Variants in EHBP1 observed in about 807,000 individuals in gnomAD.
EHBP1 encodes EH domain-binding protein 1.
In EHBP1, 55 loss-of-function variants were observed where a neutral mutation model predicts 144.0. That is an observed-to-expected ratio of 0.38 (90% CI 0.31 to 0.48). The LOEUF (loss-of-function observed/expected upper bound fraction) is 0.48. EHBP1 is among the 20% of genes least tolerant of loss of function. The probability of loss-of-function intolerance (pLI) is 0.98; values close to 1 mark genes in which losing one functional copy is unlikely to be tolerated. For synonymous variants in EHBP1, 469 were observed against 472.7 expected, an observed-to-expected ratio of 0.99 and a Z score of 0.10; for missense variants, 1,200 against 1,364.2, an observed-to-expected ratio of 0.88 and a Z score of 1.90.
chr2:62,857,701 T>G (rs1219126176), intron 7 of EHBP1, among the ~76,000 whole-genome samples: 6 of 152,174 alleles, frequency 3.9e-5, no homozygotes, highest in Non-Finnish European at 7.4e-5. Flanking sequence ...CAATGAGTGA[T>G]AATTTCACAT....
intron 2 of EHBP1, among the ~76,000 whole-genome samples, chr2:62,707,893 G>C (rs1188634938): frequency 2.0e-5 from 3 of 152,154 alleles, no homozygotes; most frequent in Non-Finnish European, 4.4e-5. Flanking sequence ...TTCTTGGCCA[G>C]ATTTAAGGAA....
At chr2:62,956,999 T>C (rs1020017095) in intron 14 of EHBP1, among the ~76,000 whole-genome samples, 9 of 152,214 alleles carry the variant, frequency 5.9e-5, no homozygotes, top group South Asian at 2.1e-4. Flanking sequence ...ATTCTTATGA[T>C]CTAGCTTTTC....
intron 3 of EHBP1, among the ~76,000 whole-genome samples, chr2:62,748,872 A>T (rs1416997001): frequency 6.6e-6 from 1 of 152,168 alleles, no homozygotes; most frequent in Non-Finnish European, 1.5e-5. Context: ...GCTAAAACTT[A>T]CATATGTGTA....
chr2:62,803,634 TC>T (rs962594054), intron 5 of EHBP1, among the ~76,000 whole-genome samples: 1 of 152,368 alleles, frequency 6.6e-6, no homozygotes, highest in African/African-American at 2.4e-5. Context: ...TTGCCAACTT[TC>T]AATTGAAATA....
intron 1 of EHBP1, among the ~76,000 whole-genome samples, chr2:62,682,114 A>G (rs1262999306): frequency 6.6e-6 from 1 of 152,232 alleles, no homozygotes; most frequent in Non-Finnish European, 1.5e-5. Flanking sequence ...ACATTTTGAC[A>G]TTCAGAAGGA....
chr2:63,016,436 TG>T (rs888028550), intron 19 of EHBP1, among the ~76,000 whole-genome samples: 18 of 146,808 alleles, frequency 1.2e-4, no homozygotes, highest in Non-Finnish European at 2.1e-4. Context: ...TTTTCTGTTT[TG>T]GGGGGTTGGG....
At chr2:62,760,744 G>T (rs898434339) in intron 3 of EHBP1, among the ~76,000 whole-genome samples, 1 of 152,178 alleles carries the variant, frequency 6.6e-6, no homozygotes, top group Non-Finnish European at 1.5e-5. Context: ...ATAGAGCAGG[G>T]CATGATATGG....
At chr2:62,987,893 A>G in intron 15 of EHBP1, 1 of 1,109,782 alleles carries the variant, frequency 9.0e-7, no homozygotes, top group African/African-American at 1.6e-5. Flanking sequence ...TATAAAATAT[A>G]AATAATATAC....
At chr2:63,009,631 T>C (rs1030739853) in intron 19 of EHBP1, among the ~76,000 whole-genome samples, 2 of 151,432 alleles carry the variant, frequency 1.3e-5, no homozygotes, top group Non-Finnish European at 3.0e-5. Flanking sequence ...ATGGAGTAAT[T>C]GGAGTATATG....
chr2:62,864,986 T>C lies in EHBP1; in HGVS notation c.998+15T>C, dbSNP rs374175387. ...GAATTGGATGAGTAAGTACATTTCA[T>C]TTTGCTGTCATCACAAGTTAGTCTC... On this transcript the variant is annotated intron_variant, in intron 9 of 22. Coordinates refer to ENST00000431489, the MANE Select transcript of EHBP1 (RefSeq NM_001142616.3). The C allele has an allele frequency of 6.8e-6, 11 of 1,610,164 alleles. No homozygotes were observed. The highest frequency in any genetic ancestry group is 9.3e-6 in the Non-Finnish European group (11 of 1,178,728).
At chr2:62,904,520 C>G (rs1436758459) in intron 10 of EHBP1, among the ~76,000 whole-genome samples, 1 of 152,188 alleles carries the variant, frequency 6.6e-6, no homozygotes, top group Non-Finnish European at 1.5e-5. Context: ...GGAACTTGAG[C>G]CCATGTGCTT....
At chr2:62,835,635 G>T (rs993670791) in intron 7 of EHBP1, among the ~76,000 whole-genome samples, 3 of 152,120 alleles carry the variant, frequency 2.0e-5, no homozygotes, top group African/African-American at 7.2e-5. Context: ...GTGGGTGCGC[G>T]CACCGTGCGC....
rs1398311039 is a variant in EHBP1 at position 63,045,205 on chromosome 2, G to A, written c.3392+25G>A. On this transcript the variant is annotated intron_variant, in intron 22 of 22. Transcript: ENST00000431489. The surrounding 1 kb of genome is among the most constrained non-coding windows in gnomAD (Gnocchi z 5.7). ...AGTGAGTGGGCAGTGGGGTCGGGTC[G>A]AGGCTGGGCCACCTGCCGAGGGGCC... 7.1e-6 allele frequency: 11 copies of A among 1,552,726 alleles called. No homozygotes were observed. The African/African-American group carries it at 1.2e-4, about 17-fold the overall frequency.
chr2:62,706,756 T>G (rs1341295322), intron 1 of EHBP1, 141 bp from the exon 2 acceptor site: 1 of 158,456 alleles, frequency 6.3e-6, no homozygotes, highest in Non-Finnish European at 1.4e-5. Flanking sequence ...GCTTTTGAGG[T>G]CAGTGTTTTG....
At chr2:63,021,620 A>C (rs1325905833) in intron 19 of EHBP1, among the ~76,000 whole-genome samples, 1 of 152,200 alleles carries the variant, frequency 6.6e-6, no homozygotes, top group Non-Finnish European at 1.5e-5. Context: ...AGATTAACCA[A>C]CATTTCATAA....
intron 19 of EHBP1, among the ~76,000 whole-genome samples, chr2:63,001,493 C>T (rs1441875738): frequency 6.6e-6 from 1 of 152,108 alleles, no homozygotes; most frequent in Non-Finnish European, 1.5e-5. Flanking sequence ...ATTAAAGCTG[C>T]TTTAAAGCAG....
chr2:62,988,148 A>G, intron 15 of EHBP1: 2 of 655,932 alleles, frequency 3.0e-6, no homozygotes, highest in Admixed American at 3.0e-5. Flanking sequence ...ATTACATCTT[A>G]TGGCCTCATA....
chr2:62,695,563 G>A (rs1315055702), intron 1 of EHBP1, among the ~76,000 whole-genome samples: 2 of 152,124 alleles, frequency 1.3e-5, no homozygotes, highest in East Asian at 1.9e-4. Context: ...TTGGGGGAGA[G>A]TTTCCATTTT....
chr2:62,855,544 A>G (rs1185641410), intron 7 of EHBP1, among the ~76,000 whole-genome samples: 2 of 151,996 alleles, frequency 1.3e-5, no homozygotes, highest in African/African-American at 4.8e-5. Context: ...AGTTCCACAG[A>G]CCAGAGTGGG....
Sources: gnomAD v4.1 joint callset for allele counts (sites outside exome capture counted in the v4.1 genomes callset) on GRCh38, gnomAD v4.1.1 for gene constraint, Gnocchi (gnomAD v3.1) non-coding constraint, MANE v1.5 for transcripts, NCBI Gene and HGNC (gene_info 2026-07-23, HGNC 2026-07-21) for gene names.